Variants in KCNC2 observed in about 807,000 individuals in gnomAD.
KCNC2 encodes voltage-gated potassium channel KCNC2.
A neutral mutation model predicts 44.5 loss-of-function variants in KCNC2; 21 were observed. The observed-to-expected ratio is 0.47, with a 90% CI of 0.33 to 0.68. KCNC2 has a LOEUF of 0.68. Ranked by LOEUF, KCNC2 falls within the 30% of genes least tolerant of loss-of-function variation. KCNC2 has a pLI of 0.01. For synonymous variants in KCNC2, 391 were observed against 339.1 expected, an observed-to-expected ratio of 1.15 and a Z score of -1.68; for missense variants, 589 against 826.2, an observed-to-expected ratio of 0.71 and a Z score of 3.52.
chr12:75,151,783 A>G (rs1890411832), intron 2 of KCNC2, among the ~76,000 whole-genome samples: 1 of 151,334 alleles, frequency 6.6e-6, no homozygotes, highest in Non-Finnish European at 1.5e-5. Context: ...AAATTTAAAA[A>G]TACAATGAAA....
chr12:75,189,932 C>T (rs1049475243), intron 2 of KCNC2, among the ~76,000 whole-genome samples: 1 of 152,180 alleles, frequency 6.6e-6, no homozygotes, highest in African/African-American at 2.4e-5. Context: ...TCTGTCCCCA[C>T]CTCTCGCCAA....
At chr12:75,095,788 G>C (rs1409552409) in intron 2 of KCNC2, among the ~76,000 whole-genome samples, 1 of 151,782 alleles carries the variant, frequency 6.6e-6, no homozygotes, top group Non-Finnish European at 1.5e-5. Flanking sequence ...TATTAATCAT[G>C]TTCTTAAATA....
intron 2 of KCNC2, among the ~76,000 whole-genome samples, chr12:75,153,774 T>C (rs1320883026): frequency 6.6e-6 from 1 of 151,898 alleles, no homozygotes; most frequent in African/African-American, 2.4e-5. Flanking sequence ...AGAAATGTTA[T>C]TAAGAAAAAC....
At chr12:75,083,442 A>G (rs936391356) in intron 2 of KCNC2, among the ~76,000 whole-genome samples, 8 of 151,942 alleles carry the variant, frequency 5.3e-5, no homozygotes, top group African/African-American at 1.9e-4. Context: ...GATGAAACCA[A>G]TGGGGGTGCA....
At chr12:75,155,992 AG>A (rs1320820990) in intron 2 of KCNC2, among the ~76,000 whole-genome samples, 3 of 151,390 alleles carry the variant, frequency 2.0e-5, no homozygotes, top group Non-Finnish European at 4.4e-5. Flanking sequence ...GTTTCTTTAG[AG>A]GAAGTGGAGT....
At chr12:75,146,863 T>C (rs1890062424) in intron 2 of KCNC2, among the ~76,000 whole-genome samples, 1 of 152,188 alleles carries the variant, frequency 6.6e-6, no homozygotes, top group East Asian at 1.9e-4. Context: ...TTAATGTGAT[T>C]CCCGAGGAAA....
chr12:75,062,815 C>T (rs1882474149), intron 2 of KCNC2, among the ~76,000 whole-genome samples: 1 of 150,640 alleles, frequency 6.6e-6, no homozygotes, highest in African/African-American at 2.4e-5. Context: ...ATTTAATATT[C>T]TCTTGAGCTT....
At chr12:75,062,401 T>C (rs1882434983) in intron 2 of KCNC2, among the ~76,000 whole-genome samples, 1 of 152,132 alleles carries the variant, frequency 6.6e-6, no homozygotes, top group Non-Finnish European at 1.5e-5. Flanking sequence ...AAGTTAACTT[T>C]TATTTTTCAT....
At chr12:75,062,568 A>T (rs1354297188) in intron 2 of KCNC2, among the ~76,000 whole-genome samples, 1 of 152,154 alleles carries the variant, frequency 6.6e-6, no homozygotes. Flanking sequence ...GTGAATATTC[A>T]GTTTAAGACT....
At position 75,186,452 on chromosome 12, in the gene KCNC2, T is replaced by C. The variant is rs565994199; in HGVS notation, c.687+20845A>G. 5.3e-5 allele frequency among the ~76,000 whole-genome samples: 8 copies of C among 152,298 alleles called. No individual in the cohort carries two copies. The East Asian group carries it at 1.5e-3, about 29-fold the overall frequency. ...CTAATACTCTTTTCATAAATATTTT[T>C]CAGAATAGAATATTCTATCATGTGG... On this transcript the variant is annotated intron_variant, in intron 2 of 4. Coordinates refer to ENST00000549446, the MANE Select transcript of KCNC2 (RefSeq NM_139137.4).
intron 2 of KCNC2, among the ~76,000 whole-genome samples, chr12:75,132,282 G>T (rs568603023): frequency 1.3e-5 from 2 of 152,164 alleles, no homozygotes; most frequent in East Asian, 3.9e-4. Flanking sequence ...ATGTATTTGT[G>T]GAAATATCTA....
intron 2 of KCNC2, among the ~76,000 whole-genome samples, chr12:75,176,724 T>C (rs560371009): frequency 6.6e-6 from 1 of 152,106 alleles, no homozygotes; most frequent in Non-Finnish European, 1.5e-5. Flanking sequence ...TTTCTAATGA[T>C]ATTGTAATTT....
At position 75,057,824 on chromosome 12, in the gene KCNC2, C is replaced by T. The variant is rs187237230; in HGVS notation, c.688-6507G>A. On this transcript the variant is annotated intron_variant, in intron 2 of 4. Coordinates refer to ENST00000549446, the MANE Select transcript of KCNC2 (RefSeq NM_139137.4). ...AAAAAATACCCAAAATTACTATTGACCACTGAGACAGATGTGGTCCCTGAT... is the reference window on the plus strand; with the variant it reads ...AAAAAATACCCAAAATTACTATTGATCACTGAGACAGATGTGGTCCCTGAT... 2.8e-3 allele frequency among the ~76,000 whole-genome samples: 427 copies of T among 151,800 alleles called. 1 individual carries two copies. The highest frequency in any genetic ancestry group is 3.5e-3 in the Non-Finnish European group (239 of 67,850).
chr12:75,138,979 T>TTAAA (rs1178222937), intron 2 of KCNC2, among the ~76,000 whole-genome samples: 1 of 77,928 alleles, frequency 1.3e-5, no homozygotes. Context: ...AGACTCCGTG[T>TTAAA]AAAAAAAAAA....
chr12:75,200,735 C>A (rs1319870104), intron 2 of KCNC2, among the ~76,000 whole-genome samples: 1 of 149,708 alleles, frequency 6.7e-6, no homozygotes, highest in Non-Finnish European at 1.5e-5. Context: ...TAAAATATAT[C>A]TTAATGAACA....
chr12:75,048,342 A>G (rs201068687), intron 3 of KCNC2, 25 bp from the exon 4 acceptor site: 219 of 1,582,872 alleles, frequency 1.4e-4, no homozygotes, highest in Non-Finnish European at 1.7e-4. Context: ...ATGCCCATTG[A>G]CAGACAGTGA....
At chr12:75,200,185 T>G (rs960622472) in intron 2 of KCNC2, among the ~76,000 whole-genome samples, 2 of 151,854 alleles carry the variant, frequency 1.3e-5, no homozygotes, top group African/African-American at 4.8e-5. Context: ...CTAAAATTTG[T>G]GCATTTAGTG....
In KCNC2 at chr12:75,206,912, G is replaced by A. The variant is rs936551408; in HGVS notation, c.687+385C>T. 4.6e-5 allele frequency among the ~76,000 whole-genome samples: 7 copies of A among 152,338 alleles called. No individual in the cohort carries two copies. In the East Asian group the frequency reaches 7.7e-4, roughly 17 times the overall value. On this transcript the variant is annotated intron_variant, in intron 2 of 4. Coordinates refer to ENST00000549446, the MANE Select transcript of KCNC2 (RefSeq NM_139137.4). ...GAAAATGTCAAATAGGGATGACCAG[G>A]AGGCCAGAAGAGAGATCTGAGCTAA...
At position 75,051,157 on chromosome 12, in the gene KCNC2, G is replaced by A. The variant is rs760610417; in HGVS notation, c.848C>T (p.Thr283Met). The part of the protein sequence containing the change: ...QYEIETDPAL[T>M]YVEGVCVVWF... ...CACCACACACACTCCTTCTACATAC[G>A]TCAAGGCAGGATCCGTTTCAATTTC... The change falls in exon 3 of 5, where the codon ACG (threonine) becomes ATG (methionine). Residue 283 changes from threonine to methionine, a missense_variant. Physicochemically the swap from Thr to Met is moderately conservative, Grantham distance 81 (BLOSUM62 -1). Coordinates refer to ENST00000549446, the MANE Select transcript of KCNC2 (RefSeq NM_139137.4). 2.0e-5 allele frequency: 33 copies of A among 1,613,606 alleles called. No individual in the cohort carries two copies. Among genetic ancestry groups the A allele is most frequent in the African/African-American group, 2.7e-5 (2 of 74,880 alleles).
Sources: allele counts gnomAD v4.1 joint callset (sites outside exome capture counted in the v4.1 genomes callset), GRCh38; gene constraint gnomAD v4.1.1; transcripts MANE v1.5; gene names NCBI Gene and HGNC (gene_info 2026-07-23, HGNC 2026-07-21).